AGFG2: variants seen among roughly 807,000 people sequenced by gnomAD.
AGFG2 encodes ArfGAP with FG repeats 2.
A neutral mutation model predicts 48.0 loss-of-function variants in AGFG2; 31 were observed. The observed-to-expected ratio is 0.65, with a 90% CI of 0.49 to 0.87. AGFG2 has a LOEUF of 0.87. AGFG2 is among the 40% of genes least tolerant of loss of function. The probability of loss-of-function intolerance (pLI) is 0.00; values close to 1 mark genes in which losing one functional copy is unlikely to be tolerated. For missense variants in AGFG2, 599 were observed against 632.6 expected, an observed-to-expected ratio of 0.95 and a Z score of 0.57; for synonymous variants, 229 against 260.8, an observed-to-expected ratio of 0.88 and a Z score of 1.18.
intron 6 of AGFG2, among the ~76,000 whole-genome samples, chr7:100,560,597 C>T (rs1159316785): frequency 6.6e-6 from 1 of 152,184 alleles, no homozygotes; most frequent in Non-Finnish European, 1.5e-5. Flanking sequence ...AGCACTCATT[C>T]ATCTAGAAAG....
chr7:100,562,758 A>G lies in AGFG2; in HGVS notation c.1087+76A>G, dbSNP rs1054028904. ...GTCTAAGGACTCTGGACAGGGTGGGAAGGGGAGAGATTGAGAGGAATGCTC... is the reference window on the plus strand; with the variant it reads ...GTCTAAGGACTCTGGACAGGGTGGGGAGGGGAGAGATTGAGAGGAATGCTC... On this transcript the variant is annotated intron_variant, in intron 8 of 11. Coordinates refer to ENST00000300176, the MANE Select transcript of AGFG2 (RefSeq NM_006076.5). The surrounding 1 kb of genome is among the most constrained non-coding windows in gnomAD (Gnocchi z 5.4). 9.4e-6 allele frequency: 15 copies of G among 1,591,716 alleles called. No homozygotes were observed. The East Asian group carries it at 3.4e-4, about 36-fold the overall frequency.
chr7:100,543,639 A>G (rs1672872496), intron 1 of AGFG2, among the ~76,000 whole-genome samples: 1 of 152,206 alleles, frequency 6.6e-6, no homozygotes, highest in African/African-American at 2.4e-5. Flanking sequence ...AGATCTGAAG[A>G]AAAACACACA....
intron 1 of AGFG2, among the ~76,000 whole-genome samples, chr7:100,546,890 A>G (rs908286745): frequency 3.3e-5 from 5 of 152,180 alleles, no homozygotes; most frequent in African/African-American, 1.2e-4. Flanking sequence ...CTTAAGAGCT[A>G]TTGTTTGATA....
intron 3 of AGFG2, among the ~76,000 whole-genome samples, chr7:100,551,923 A>C (rs1266447604): frequency 6.7e-6 from 1 of 150,008 alleles, no homozygotes; most frequent in Non-Finnish European, 1.5e-5. Flanking sequence ...TAGGGAACAC[A>C]AAAAATAACA....
intron 1 of AGFG2, among the ~76,000 whole-genome samples, chr7:100,544,371 T>C (rs1045724359): frequency 3.9e-5 from 6 of 152,168 alleles, no homozygotes; most frequent in Admixed American, 6.5e-5. Context: ...TGACAGCTCT[T>C]TATTTGTGAC....
Position 100,550,512 on chromosome 7 carries a change from G to GT in AGFG2, c.431+2dup. The GT allele has an allele frequency of 6.2e-7, 1 of 1,602,160 alleles. No individual in the cohort carries two copies. On this transcript the variant is annotated splice_donor_variant, in intron 3 of 11. Coordinates refer to ENST00000300176, the MANE Select transcript of AGFG2 (RefSeq NM_006076.5). LOFTEE classifies it high-confidence loss of function. ...AGGAAAAATATGAGAAGAAGAGATG[G>GT]TAAGGAGTAGGAAAGAGGTTGCTAT...
intron 6 of AGFG2, among the ~76,000 whole-genome samples, chr7:100,559,888 T>C (rs1481041044): frequency 1.3e-5 from 2 of 150,800 alleles, no homozygotes; most frequent in East Asian, 3.9e-4. Flanking sequence ...GGCCACCGCC[T>C]CCTTTGTGAG....
At chr7:100,555,580 A>C (rs1800742593) in intron 5 of AGFG2, 30 bp from the exon 6 acceptor site, 1 of 1,605,782 alleles carries the variant, frequency 6.2e-7, no homozygotes, top group Admixed American at 1.7e-5. Flanking sequence ...ACAATTTTCT[A>C]TATAACCTTT....
rs1298184544 is a variant in AGFG2, at chr7:100,554,106, C to T, written c.599C>T (p.Ser200Phe). The change falls in exon 5 of 12, where the codon TCT becomes TTT. Residue 200 changes from serine to phenylalanine, a missense_variant. Ser to Phe is a radical substitution (Grantham distance 155). Coordinates refer to ENST00000300176, the MANE Select transcript of AGFG2 (RefSeq NM_006076.5). ...TTCTCCTCCAAGCCCGTCAGTCAGT[C>T]TCACGCTCGGACATCCCAGGCCCGG... ...ASTSSQPVSQ[S>F]HARTSQARST... The T allele has an allele frequency of 6.2e-7, 1 of 1,613,584 alleles. No individual in the cohort carries two copies. Among genetic ancestry groups the T allele is most frequent in the Non-Finnish European group, 8.5e-7 (1 of 1,179,718 alleles).
chr7:100,539,945 T>A (rs983410162), intron 1 of AGFG2, among the ~76,000 whole-genome samples: 7 of 151,710 alleles, frequency 4.6e-5, no homozygotes, highest in Non-Finnish European at 1.0e-4. Context: ...GAAAATGACA[T>A]GCACCTTTAG....
intron 6 of AGFG2, chr7:100,556,667 C>G (rs901422459): frequency 3.9e-6 from 5 of 1,280,190 alleles, no homozygotes; most frequent in Non-Finnish European, 3.1e-6. Flanking sequence ...CCAAGTGCCT[C>G]TGATCATAGA....
At chr7:100,557,408 A>C (rs531054242) in intron 6 of AGFG2, among the ~76,000 whole-genome samples, 154 of 152,196 alleles carry the variant, frequency 1.0e-3, no homozygotes, top group Non-Finnish European at 1.9e-3. Context: ...AATCTCCATA[A>C]ATTCTAACAA....
intron 6 of AGFG2, among the ~76,000 whole-genome samples, chr7:100,560,807 C>CCT: frequency 1.5e-5 from 2 of 137,336 alleles, no homozygotes; most frequent in Non-Finnish European, 1.6e-5. Context: ...GGAAGATCTC[C>CCT]CTTTTTTTTT....
At chr7:100,553,245 A>C (rs1228128149) in intron 3 of AGFG2, 102 bp from the exon 4 acceptor site, 1 of 1,428,898 alleles carries the variant, frequency 7.0e-7, no homozygotes, top group African/African-American at 1.4e-5. Flanking sequence ...AGTAGAGAAA[A>C]ATGAGCATAG....
rs1362902157 is a variant in AGFG2, at chr7:100,550,431, T to C, written c.351T>C (p.Ala117=). 2 of 1,613,894 alleles carry C rather than the reference T, an allele frequency of 1.2e-6. No individual in the cohort carries two copies. The highest frequency in any genetic ancestry group is 1.3e-5 in the African/African-American group (1 of 74,910). ...CRKIWLGLFD[A]RTSLVPDSRD... is the part of the protein sequence containing the mutation. Reference sequence around the variant, plus strand: ...AGATTTGGTTGGGTCTGTTTGATGCTCGGACATCTTTAGTACCAGATTCCA... The same window carrying C: ...AGATTTGGTTGGGTCTGTTTGATGCCCGGACATCTTTAGTACCAGATTCCA... The change falls in exon 3 of 12, where the codon GCT becomes GCC. Residue 117 remains alanine, a synonymous_variant. Coordinates refer to ENST00000300176, the MANE Select transcript of AGFG2 (RefSeq NM_006076.5).
rs1801011381 is a variant in AGFG2 at position 100,566,571 on chromosome 7, TG to T, written c.*1583del. 2 of 152,270 alleles carry T rather than the reference TG, an allele frequency of 1.3e-5. No individual in the cohort carries two copies. The highest frequency in any genetic ancestry group is 2.1e-4 in the South Asian group (1 of 4,834). 9.4% of individuals were successfully genotyped at this position (152,270 alleles called of 1,614,324 possible). A position where few individuals can be genotyped will look rare whatever the true frequency, so the allele number is the denominator to read the frequency against. Reference sequence around the variant, plus strand: ...TTCCACAGAGAGCAGCAAAGAGATATGGGAGTTGGGTGATCAGTGTATTTAC... The same window carrying T: ...TTCCACAGAGAGCAGCAAAGAGATATGGAGTTGGGTGATCAGTGTATTTAC... On this transcript the variant is annotated 3_prime_UTR_variant, in exon 12 of 12. Transcript: ENST00000300176.
chr7:100,562,359 C>T lies in AGFG2; in HGVS notation c.978C>T (p.Pro326=), dbSNP rs757514862. The T allele has an allele frequency of 5.6e-5, 91 of 1,613,808 alleles. 3 individuals are homozygous for T. Among genetic ancestry groups the T allele is most frequent in the South Asian group, 4.8e-4 (44 of 91,070 alleles). The change falls in exon 7 of 12, where the codon CCC becomes CCT. Residue 326 remains proline (P), a synonymous_variant. Coordinates refer to ENST00000300176, the MANE Select transcript of AGFG2 (RefSeq NM_006076.5). This position sits in a 1 kb window ranked among gnomAD's most constrained non-coding sequence, Gnocchi z 5.4. ...DVGSFLGPGV[P]AAGVPSSLFG... The stretch of plus-strand genomic sequence containing the variant: ...GCAGCTTCCTGGGACCCGGGGTGCC[C>T]GCTGCAGGTGTTCCTAGCAGGTAGG...
At chr7:100,558,769 A>C (rs1363885042) in intron 6 of AGFG2, among the ~76,000 whole-genome samples, 3 of 151,962 alleles carry the variant, frequency 2.0e-5, no homozygotes, top group Non-Finnish European at 2.9e-5. Flanking sequence ...GGGCAGACTC[A>C]GAGAGAAGGA....
chr7:100,544,824 G>A (rs1486058874), intron 1 of AGFG2, among the ~76,000 whole-genome samples: 1 of 152,140 alleles, frequency 6.6e-6, no homozygotes, highest in Non-Finnish European at 1.5e-5. Flanking sequence ...AGGGCGGCTG[G>A]ATGCTATCAG....
Sources: gnomAD v4.1 joint callset for allele counts (sites outside exome capture counted in the v4.1 genomes callset) on GRCh38, gnomAD v4.1.1 for gene constraint, Gnocchi (gnomAD v3.1) non-coding constraint, MANE v1.5 for transcripts, NCBI Gene and HGNC (gene_info 2026-07-23, HGNC 2026-07-21) for gene names.